CSMD1: variants seen among roughly 807,000 people sequenced by gnomAD.
CSMD1 encodes the protein CUB and sushi domain-containing protein 1.
A neutral mutation model predicts 417.5 loss-of-function variants in CSMD1; 213 were observed. The ratio of observed to expected loss-of-function variants is 0.51; its 90% confidence interval spans 0.46 to 0.57. The LOEUF (loss-of-function observed/expected upper bound fraction) is 0.57. Ranked by LOEUF, CSMD1 falls within the 20% of genes least tolerant of loss-of-function variation. The pLI, the probability that CSMD1 is intolerant of heterozygous loss-of-function variation, is 0.00. For missense variants in CSMD1, 6,923 were observed against 4,529.7 expected (o/e 1.53, Z -15.17); for synonymous variants, 2,862 against 1,736.8 (o/e 1.65, Z -16.11).
intron 2 of CSMD1, among the ~76,000 whole-genome samples, chr8:4,449,012 G>A (rs980586413): frequency 2.6e-5 from 4 of 152,104 alleles, no homozygotes; most frequent in East Asian, 3.9e-4. Context: ...TATTACTTGT[G>A]TGCGTTCAGC....
At chr8:4,427,731 C>G (rs1422416247) in intron 2 of CSMD1, among the ~76,000 whole-genome samples, 1 of 152,046 alleles carries the variant, frequency 6.6e-6, no homozygotes, top group African/African-American at 2.4e-5. Flanking sequence ...TAATTTGAAA[C>G]TATTAATATA....
intron 3 of CSMD1, among the ~76,000 whole-genome samples, chr8:4,139,819 C>T (rs1276576153): frequency 6.6e-6 from 1 of 151,006 alleles, no homozygotes; most frequent in Non-Finnish European, 1.5e-5. Flanking sequence ...GGACATTCCA[C>T]AGAGGGCCTT....
At chr8:3,808,638 T>A (rs1800886442) in intron 5 of CSMD1, among the ~76,000 whole-genome samples, 1 of 152,204 alleles carries the variant, frequency 6.6e-6, no homozygotes. Context: ...CAGAGATAGT[T>A]CCTGAGCCCA....
At chr8:3,664,138 C>T (rs897082161) in intron 7 of CSMD1, among the ~76,000 whole-genome samples, 3 of 152,052 alleles carry the variant, frequency 2.0e-5, no homozygotes, top group South Asian at 2.1e-4. Context: ...CCCATTGACT[C>T]GTCATTTAAC....
chr8:3,479,087 G>A (rs766169257), intron 11 of CSMD1, among the ~76,000 whole-genome samples: 2 of 151,960 alleles, frequency 1.3e-5, no homozygotes, highest in East Asian at 1.9e-4. Context: ...AAGCAGTGGA[G>A]ACTCCTTGGG....
rs1585041291 is a variant in CSMD1, at chr8:3,817,347, C to G, written c.819-63305G>C. Among the ~76,000 whole-genome samples, 3 of 130,010 alleles carry G rather than the reference C, an allele frequency of 2.3e-5. No individual in the cohort carries two copies. In the South Asian group the frequency reaches 8.0e-4, roughly 35 times the overall value. 85.3% of individuals were successfully genotyped at this position (130,010 alleles called of 152,430 possible). A position where few individuals can be genotyped will look rare whatever the true frequency, so the allele number is the denominator to read the frequency against. ...CCAGGCTGGAGTACAGTGGCGGGAT[C>G]TTGGCTCACTGCAACGTCCTCCTAC... On this transcript the variant is annotated intron_variant, in intron 5 of 69. Transcript: ENST00000635120.
intron 3 of CSMD1, among the ~76,000 whole-genome samples, chr8:4,172,946 C>T (rs1394471): frequency 0.93 from 140,851 of 152,170 alleles, 65,290 homozygotes; most frequent in African/African-American, 0.97. Flanking sequence ...AGAAAAACCT[C>T]GAGGGCTGAG....
chr8:4,006,236 G>A (rs137986363), intron 4 of CSMD1, among the ~76,000 whole-genome samples: 11 of 152,144 alleles, frequency 7.2e-5, no homozygotes, highest in South Asian at 4.1e-4. Flanking sequence ...GACTTTGTGC[G>A]CAGGAGTAAG....
intron 1 of CSMD1, among the ~76,000 whole-genome samples, chr8:4,892,446 A>C (rs1456988471): frequency 7.2e-5 from 11 of 152,080 alleles, no homozygotes; most frequent in Admixed American, 7.2e-4. Flanking sequence ...AGATTATAAA[A>C]AAATAGGTTC....
chr8:4,855,306 G>C (rs184905620), intron 1 of CSMD1, among the ~76,000 whole-genome samples: 23 of 152,066 alleles, frequency 1.5e-4, no homozygotes, highest in African/African-American at 5.3e-4. Flanking sequence ...AAACCACAAA[G>C]ATGGGGAAAA....
chr8:3,366,228 C>T (rs542186275), intron 20 of CSMD1, among the ~76,000 whole-genome samples: 42 of 152,104 alleles, frequency 2.8e-4, no homozygotes, highest in African/African-American at 9.6e-4. Flanking sequence ...GCAGCAGGGC[C>T]CTTTCTGTTG....
In CSMD1 at chr8:3,548,882, C is replaced by T. The variant is rs74797825; in HGVS notation, c.1344+26063G>A. ...CTGGGCTGGGTCCCGCTCCCTACCC[C>T]GAGTCCACATCCTCCCCTTCTCACC... is the stretch of plus-strand genomic sequence containing the variant. On this transcript the variant is annotated intron_variant, in intron 10 of 69. Transcript: ENST00000635120. Among the ~76,000 whole-genome samples the T allele has an allele frequency of 7.8e-4, 118 of 152,170 alleles. No individual in the cohort carries two copies. The East Asian group carries it at 0.018, about 23-fold the overall frequency.
intron 2 of CSMD1, among the ~76,000 whole-genome samples, chr8:4,519,425 T>C (rs1317425541): frequency 6.6e-6 from 1 of 151,892 alleles, no homozygotes; most frequent in Non-Finnish European, 1.5e-5. Context: ...TGTATAAAAA[T>C]TTTTAAAGTA....
chr8:4,726,194 G>C (rs905267227), intron 1 of CSMD1, among the ~76,000 whole-genome samples: 1 of 151,980 alleles, frequency 6.6e-6, no homozygotes, highest in Admixed American at 6.6e-5. Flanking sequence ...ACACTTGGAA[G>C]TTTTCAGCTG....
chr8:3,052,197 G>C (rs972224842), intron 50 of CSMD1, among the ~76,000 whole-genome samples: 1 of 152,212 alleles, frequency 6.6e-6, no homozygotes, highest in Non-Finnish European at 1.5e-5. Context: ...TGGCAGCACA[G>C]AATAGGATGT....
chr8:3,450,166 T>C (rs1815604782), intron 12 of CSMD1, among the ~76,000 whole-genome samples: 2 of 152,180 alleles, frequency 1.3e-5, no homozygotes, highest in Non-Finnish European at 2.9e-5. Flanking sequence ...TGTGGGTCTC[T>C]TACACTCAGG....
chr8:3,550,963 T>A (rs1585348776), intron 10 of CSMD1, among the ~76,000 whole-genome samples: 1 of 151,898 alleles, frequency 6.6e-6, no homozygotes. Flanking sequence ...AAACCACTAC[T>A]CAACTTGAAG....
intron 5 of CSMD1, among the ~76,000 whole-genome samples, chr8:3,961,582 C>T (rs113576165): frequency 6.6e-6 from 1 of 152,136 alleles, no homozygotes; most frequent in Non-Finnish European, 1.5e-5. Flanking sequence ...TCTATAAAAA[C>T]GCTTTGAGAT....
rs146162755 is a variant in CSMD1 at position 4,905,330 on chromosome 8, T to G, written c.85+89002A>C. On this transcript the variant is annotated intron_variant, in intron 1 of 69. Coordinates refer to ENST00000635120, the MANE Select transcript of CSMD1 (RefSeq NM_033225.6). ...TAACTCGCTGTGTCAAGTAATATCA[T>G]AAAGGCTACCATTTCTTCTCATTAG... is the stretch of plus-strand genomic sequence containing the variant. Among the ~76,000 whole-genome samples, 16 of 152,230 alleles carry G rather than the reference T, an allele frequency of 1.1e-4. No individual in the cohort carries two copies. In the East Asian group the frequency reaches 3.1e-3, roughly 29 times the overall value.
Sources: allele counts gnomAD v4.1 joint callset (sites outside exome capture counted in the v4.1 genomes callset), GRCh38; gene constraint gnomAD v4.1.1; transcripts MANE v1.5; gene names NCBI Gene and HGNC (gene_info 2026-07-23, HGNC 2026-07-21).